The following SLFN13 variants were observed in gnomAD, a reference collection of about 807,000 sequenced individuals.
SLFN13 encodes the protein schlafen family member 13.
A neutral mutation model predicts 50.6 loss-of-function variants in SLFN13; 43 were observed. The ratio of observed to expected loss-of-function variants is 0.85; its 90% CI spans 0.67 to 1.09. The LOEUF (loss-of-function observed/expected upper bound fraction) is 1.09. Among genes scored for constraint, SLFN13 ranks in the 50% least tolerant of loss-of-function variants. The probability of loss-of-function intolerance (pLI) is 0.00; values close to 1 mark genes in which losing one functional copy is unlikely to be tolerated. For missense variants in SLFN13, 881 were observed against 1,071.1 expected, an observed-to-expected ratio of 0.82 and a Z score of 2.48; for synonymous variants, 339 against 386.5, an observed-to-expected ratio of 0.88 and a Z score of 1.44.
rs1912659786 is a variant in SLFN13, at chr17:35,436,914, C to T, written c.*3681G>A. 6.6e-6 allele frequency: 1 copy of T among 152,114 alleles called. No homozygotes were observed. The highest frequency in any genetic ancestry group is 2.1e-4 in the South Asian group (1 of 4,828). The allele number at this position is 152,114 out of a possible 1,614,324, so 9.4% of individuals were successfully genotyped here. On this transcript the variant is annotated 3_prime_UTR_variant, in exon 6 of 6. Transcript: ENST00000285013. Reference sequence around the variant, plus strand: ...AAAAAACATAAAGACACTTGAGGCACAACTGATATAATTCAATAAAGTCTA... The same window carrying T: ...AAAAAACATAAAGACACTTGAGGCATAACTGATATAATTCAATAAAGTCTA...
rs1442431700 is a variant in SLFN13 at position 35,444,759 on chromosome 17, A to T, written c.922T>A (p.Tyr308Asn). The change falls in exon 3 of 6, where the codon TAT becomes AAT. Residue 308 changes from tyrosine to asparagine, a missense_variant. By Grantham distance (143) the Tyr-to-Asn change is moderately radical. This residue lies in a region of SLFN13 where 497 missense variants were observed against 518.3 expected (regional missense o/e 0.96). Transcript: ENST00000285013. ...ACTTTAATCACACAGAGATAGCCAT[A>T]CAACTCTTTCCCACAAAACACTTCT... ...IVEVFCGKEL[Y>N]GYLCVIKVKA... The T allele has an allele frequency of 6.2e-7, 1 of 1,614,230 alleles. No individual in the cohort carries two copies.
In SLFN13 at chr17:35,440,826, C is replaced by G. The variant is rs1006332466; in HGVS notation, c.2463G>C (p.Gln821His). ...TTGCTTTCAAGAGCTTAGACTGATA[C>G]TGCTCCACTTCTGTCACGGTGCTGA... ...VLVSTVTEVE[Q>H]YQSKLLKAMR... The change falls in exon 6 of 6, where the codon CAG becomes CAC. Residue 821 changes from glutamine to histidine, a missense_variant. Coordinates refer to ENST00000285013, the MANE Select transcript of SLFN13 (RefSeq NM_144682.6). The G allele has an allele frequency of 6.2e-6, 10 of 1,614,134 alleles. No individual in the cohort carries two copies. In the African/African-American group the frequency reaches 1.2e-4, roughly 19 times the overall value.
chr17:35,447,694 G>A (rs193136212), intron 1 of SLFN13, among the ~76,000 whole-genome samples: 172 of 152,306 alleles, frequency 1.1e-3, no homozygotes, highest in African/African-American at 4.0e-3. Context: ...AAACAGCTGC[G>A]ACAGAGGCTC....
chr17:35,449,525 G>C (rs1241771515), upstream of SLFN13, among the ~76,000 whole-genome samples: 2 of 152,122 alleles, frequency 1.3e-5, no homozygotes, highest in African/African-American at 4.8e-5. Flanking sequence ...GGGAACCCCA[G>C]GTCAAAATGC....
In SLFN13 at chr17:35,438,963, A is replaced by T. The variant is rs1272546778; in HGVS notation, c.*1632T>A. On this transcript the variant is annotated 3_prime_UTR_variant, in exon 6 of 6. Coordinates refer to ENST00000285013, the MANE Select transcript of SLFN13 (RefSeq NM_144682.6). ...ACAGCTGTGTTCTCAGGCTGCAATA[A>T]CAAAACACTAGAGACTGGATGGCTG... The T allele has an allele frequency of 6.6e-6, 1 of 151,854 alleles. No homozygotes were observed. The highest frequency in any genetic ancestry group is 2.4e-5 in the African/African-American group (1 of 41,392). The allele number at this position is 151,854 out of a possible 1,614,324, so 9.4% of individuals were successfully genotyped here.
rs946262527 is a variant in SLFN13, at chr17:35,445,693, C to T, written c.-13G>A. ...GATTTGCCTCCATGTTGAACTTGCA[C>T]CTTAAAGTATTAGAATATTTGTTTC... On this transcript the variant is annotated splice_region_variant and 5_prime_UTR_variant, in exon 3 of 6. It adds an upstream start codon to the 5' untranslated region. Transcript: ENST00000285013. The T allele has an allele frequency of 6.4e-7, 1 of 1,560,840 alleles. No homozygotes were observed. The highest frequency in any genetic ancestry group is 8.7e-7 in the Non-Finnish European group (1 of 1,155,276).
chr17:35,442,549 T>A (rs1053497551), intron 4 of SLFN13, among the ~76,000 whole-genome samples: 1 of 152,208 alleles, frequency 6.6e-6, no homozygotes, highest in Non-Finnish European at 1.5e-5. Context: ...GTTCAGGCCA[T>A]TCTCCTGCCT....
chr17:35,448,581 G>C (rs1913350929), intron 1 of SLFN13, 141 bp downstream of exon 1: 1 of 150,760 alleles, frequency 6.6e-6, no homozygotes, highest in Admixed American at 6.6e-5. Flanking sequence ...CGGCTGGCCG[G>C]AGCTGGGGGG....
rs1322187513 is a variant in SLFN13 at position 35,440,610 on chromosome 17, T to C, written c.2679A>G (p.Leu893=). Residue 893 remains leucine (L), a synonymous_variant, in exon 6 of 6, where the codon CTA becomes CTG. Transcript: ENST00000285013. ...ICLASRAKQH[L]YIFL is the part of the protein sequence containing the mutation. ...AATAGTCACTTCACAGAAAAATATA[T>C]AGGTGCTGTTTTGCCCTGGAAGCCA... 1.9e-6 allele frequency: 3 copies of C among 1,614,126 alleles called. No homozygotes were observed. The highest frequency in any genetic ancestry group is 8.5e-7 in the Non-Finnish European group (1 of 1,179,984).
rs752791507 is a variant in SLFN13 at position 35,436,183 on chromosome 17, T to C, written c.*4412A>G. The C allele has an allele frequency of 1.3e-5, 2 of 152,122 alleles. No individual in the cohort carries two copies. Among genetic ancestry groups the C allele is most frequent in the African/African-American group, 2.4e-5 (1 of 41,446 alleles). 9.4% of individuals were successfully genotyped at this position (152,122 alleles called of 1,614,324 possible). On this transcript the variant is annotated 3_prime_UTR_variant, in exon 6 of 6. Transcript: ENST00000285013. ...ACTGTTTCCTCTTTCTAGGAAAGCA[T>C]TTGAATAAGACTGAAATTCTCTAGG...
rs1338250140 is a variant in SLFN13, at chr17:35,436,554, G to T, written c.*4041C>A. 2.0e-5 allele frequency: 3 copies of T among 152,084 alleles called. No homozygotes were observed. The highest frequency in any genetic ancestry group is 4.4e-5 in the Non-Finnish European group (3 of 68,026). 9.4% of individuals were successfully genotyped at this position (152,084 alleles called of 1,614,324 possible). A position where few individuals can be genotyped will look rare whatever the true frequency, so the allele number is the denominator to read the frequency against. On this transcript the variant is annotated 3_prime_UTR_variant, in exon 6 of 6. Transcript: ENST00000285013. ...AACTGCACAGTAGGGAAACCTGGCA[G>T]ACGCCACTTTATCCAAATGATCAGA...
rs755947304 is a variant in SLFN13, at chr17:35,445,166, G to C, written c.515C>G (p.Pro172Arg). 1 of 1,613,128 alleles carries C rather than the reference G, an allele frequency of 6.2e-7. No individual in the cohort carries two copies. The highest frequency in any genetic ancestry group is 1.1e-5 in the South Asian group (1 of 91,058). Residue 172 changes from proline (P) to arginine (R), a missense_variant, in exon 3 of 6, where the codon CCT (proline) becomes CGT (arginine). By Grantham distance (103) the Pro-to-Arg change is moderately radical. Transcript: ENST00000285013. ...GTATACAGCTTTCATAATTTTACTA[G>C]GTGGAGACCCTTCATTAATCAGATT... ...KYNLINEGSP[P>R]SKIMKAVYQN... is the part of the protein sequence containing the mutation.
chr17:35,441,551 C>G lies in SLFN13; in HGVS notation c.1922+12G>C, dbSNP rs1395333658. On this transcript the variant is annotated intron_variant, in intron 5 of 5. Coordinates refer to ENST00000285013, the MANE Select transcript of SLFN13 (RefSeq NM_144682.6). ...TAAATAAAACTTAAAGACGTAAGAT[C>G]CAACTGCTTACCTGATAAAGTTCCT... The G allele has an allele frequency of 6.2e-7, 1 of 1,611,040 alleles. No homozygotes were observed.
rs1171457435 is a variant in SLFN13 at position 35,440,779 on chromosome 17, T to G, written c.2510A>C (p.Gln837Pro). 6.2e-7 allele frequency: 1 copy of G among 1,614,106 alleles called. No individual in the cohort carries two copies. ...LKAMRKKMVV[Q>P]LSDACDMLGV... ...CAACATATCACATGCATCACTGAGC[T>G]GCACCACCATTTTCTTCCTCATTGC... is the stretch of plus-strand genomic sequence containing the variant. Residue 837 changes from glutamine to proline, a missense_variant, in exon 6 of 6, where the codon CAG (glutamine) becomes CCG (proline). Transcript: ENST00000285013.
intron 1 of SLFN13, among the ~76,000 whole-genome samples, chr17:35,447,659 G>A (rs1314599941): frequency 6.6e-6 from 1 of 152,130 alleles, no homozygotes; most frequent in African/African-American, 2.4e-5. Flanking sequence ...GTGGGGACTG[G>A]CTAGTCTCAG....
At position 35,435,624 on chromosome 17, in the gene SLFN13, A is replaced by G. The variant is rs534798207; in HGVS notation, c.*4971T>C. ...TGTAAATTCCCTTTGTTGATTTCCA[A>G]AAGTGTTTTTATACTTCTAAGTTGC... On this transcript the variant is annotated 3_prime_UTR_variant, in exon 6 of 6. Coordinates refer to ENST00000285013, the MANE Select transcript of SLFN13 (RefSeq NM_144682.6). 2.6e-5 allele frequency: 4 copies of G among 152,066 alleles called. No individual in the cohort carries two copies. Among genetic ancestry groups the G allele is most frequent in the Non-Finnish European group, 5.9e-5 (4 of 67,992 alleles). 9.4% of individuals were successfully genotyped at this position (152,066 alleles called of 1,614,324 possible). A position where few individuals can be genotyped will look rare whatever the true frequency, so the allele number is the denominator to read the frequency against.
rs1270761768 is a variant in SLFN13, at chr17:35,447,394, C to T, written c.-140G>A. The T allele has an allele frequency of 6.6e-6, 1 of 152,148 alleles. No homozygotes were observed. The highest frequency in any genetic ancestry group is 2.4e-5 in the African/African-American group (1 of 41,414). The allele number at this position is 152,148 out of a possible 1,614,324, so 9.4% of individuals were successfully genotyped here. A position where few individuals can be genotyped will look rare whatever the true frequency, so the allele number is the denominator to read the frequency against. ...GCCCACCGCCTGCTGTCTTCTTCCA[C>T]CAAAATCAGTCCTGAAAGACCTGTA... On this transcript the variant is annotated 5_prime_UTR_variant, in exon 2 of 6. In the 5' UTR this introduces an upstream ATG that the reference lacks. Transcript: ENST00000285013.
At chr17:35,449,066 A>ACAACAG (rs1273627869), upstream of SLFN13, among the ~76,000 whole-genome samples, 1 of 151,356 alleles carries the variant, frequency 6.6e-6, no homozygotes, top group Admixed American at 6.6e-5. Flanking sequence ...AACAACAACA[A>ACAACAG]CAACAACAAA....
At chr17:35,445,850 G>T in intron 2 of SLFN13, 157 bp from the exon 3 acceptor site, 2 of 613,220 alleles carry the variant, frequency 3.3e-6, no homozygotes, top group Non-Finnish European at 5.4e-6. Flanking sequence ...TGACTGGCTG[G>T]CAGGGAAGGG....
Sources: gnomAD v4.1 joint callset for allele counts (sites outside exome capture counted in the v4.1 genomes callset) on GRCh38, gnomAD v4.1.1 for gene constraint, gnomAD v4.1.1 regional missense constraint, MANE v1.5 for transcripts, NCBI Gene and HGNC (gene_info 2026-07-23, HGNC 2026-07-21) for gene names.